The following GABRA2 variants were observed in gnomAD, a reference collection of about 807,000 sequenced individuals.
The protein encoded by GABRA2 is gamma-aminobutyric acid type A receptor subunit alpha2, also known as gamma-aminobutyric acid receptor subunit alpha-2.
GABRA2 carries 16 observed loss-of-function variants against 48.7 expected under a neutral mutation model. The observed-to-expected ratio is 0.33, with a 90% confidence interval of 0.22 to 0.50. GABRA2 has a LOEUF of 0.50. GABRA2 is among the 20% of genes least tolerant of loss of function. GABRA2 has a pLI of 0.98. For synonymous variants in GABRA2, 185 were observed against 184.5 expected, an observed-to-expected ratio of 1.00 and a Z score of -0.02; for missense variants, 275 against 535.6, an observed-to-expected ratio of 0.51 and a Z score of 4.80.
At chr4:46,346,062 T>C (rs1734091304) in intron 3 of GABRA2, among the ~76,000 whole-genome samples, 2 of 151,944 alleles carry the variant, frequency 1.3e-5, no homozygotes, top group South Asian at 4.1e-4. Flanking sequence ...TGCTGTGCTT[T>C]GCCTTACACT....
chr4:46,279,474 T>C (rs551131274), intron 8 of GABRA2, among the ~76,000 whole-genome samples: 2 of 152,248 alleles, frequency 1.3e-5, no homozygotes, highest in Non-Finnish European at 2.9e-5. Context: ...AATCTGGCAA[T>C]GGATATTCTC....
At chr4:46,276,164 C>T (rs569177602) in intron 8 of GABRA2, among the ~76,000 whole-genome samples, 75 of 152,086 alleles carry the variant, frequency 4.9e-4, no homozygotes, top group African/African-American at 1.7e-3. Context: ...TTCATATATT[C>T]AATAAAGTTA....
chr4:46,318,452 A>G (rs1728910196), intron 4 of GABRA2, among the ~76,000 whole-genome samples: 1 of 151,626 alleles, frequency 6.6e-6, no homozygotes, highest in Admixed American at 6.6e-5. Flanking sequence ...TTGCATAGCC[A>G]CTAAGTACAA....
At chr4:46,263,052 GAATAT>G (rs59537462) in intron 8 of GABRA2, among the ~76,000 whole-genome samples, 94,595 of 151,074 alleles carry the variant, frequency 0.63, 30,276 homozygotes, top group South Asian at 0.76. Context: ...CAAAAGAATA[GAATAT>G]AAGACAAATA....
chr4:46,289,914 T>A (rs28815536), intron 8 of GABRA2, among the ~76,000 whole-genome samples: 58,327 of 135,798 alleles, frequency 0.43, 12,244 homozygotes, highest in East Asian at 0.51. Flanking sequence ...TTTATTTTTA[T>A]TTTTTTTTTT....
intron 3 of GABRA2, chr4:46,367,122 T>G (rs2109983697): frequency 6.6e-6 from 1 of 152,216 alleles, no homozygotes; most frequent in East Asian, 1.9e-4. Flanking sequence ...GCTACTGAAT[T>G]TAAGGTTCAG....
intron 3 of GABRA2, among the ~76,000 whole-genome samples, chr4:46,347,437 C>A (rs1352886151): frequency 2.0e-5 from 3 of 151,832 alleles, no homozygotes; most frequent in African/African-American, 7.2e-5. Context: ...GAAATAAACC[C>A]ACATATCCAA....
chr4:46,320,902 A>G (rs1278358276), intron 4 of GABRA2, among the ~76,000 whole-genome samples: 1 of 151,954 alleles, frequency 6.6e-6, no homozygotes, highest in African/African-American at 2.4e-5. Flanking sequence ...AAATGAAATC[A>G]TGACCTTTAA....
intron 4 of GABRA2, among the ~76,000 whole-genome samples, chr4:46,314,194 G>A (rs751388175): frequency 3.3e-5 from 5 of 152,046 alleles, no homozygotes; most frequent in Non-Finnish European, 7.4e-5. Context: ...CAAGTTTCAC[G>A]TAAGTATTTC....
Position 46,317,439 on chromosome 4 carries a change from ATTAT to A in GABRA2, c.256-4727_256-4724del, listed in dbSNP as rs570599243. 7.7e-3 allele frequency among the ~76,000 whole-genome samples: 1,174 copies of A among 151,924 alleles called. 17 individuals are homozygous for A. The highest frequency in any genetic ancestry group is 0.027 in the African/African-American group (1,134 of 41,520). ...CTTTATAATATGGAACGATATAGAC[ATTAT>A]TAAGAGTAAGAATGTAAATAAGTAA... On this transcript the variant is annotated intron_variant, in intron 4 of 9. Coordinates refer to ENST00000381620, the MANE Select transcript of GABRA2 (RefSeq NM_000807.4).
intron 8 of GABRA2, among the ~76,000 whole-genome samples, chr4:46,264,009 T>C (rs1458709330): frequency 2.0e-5 from 3 of 151,226 alleles, no homozygotes; most frequent in Non-Finnish European, 4.4e-5. Context: ...TACAGCAACA[T>C]TCTATAGTTT....
intron 3 of GABRA2, among the ~76,000 whole-genome samples, chr4:46,336,501 C>T (rs1032568536): frequency 2.0e-5 from 3 of 152,112 alleles, no homozygotes; most frequent in Non-Finnish European, 4.4e-5. Flanking sequence ...TATCCACCAG[C>T]CAAAATAATG....
chr4:46,262,581 A>C (rs188270214), intron 8 of GABRA2, among the ~76,000 whole-genome samples: 79 of 152,258 alleles, frequency 5.2e-4, no homozygotes, highest in African/African-American at 1.9e-3. Flanking sequence ...CCACAGAAGT[A>C]ATCATGAAGG....
intron 6 of GABRA2, among the ~76,000 whole-genome samples, chr4:46,308,565 A>G (rs1214169110): frequency 1.3e-5 from 2 of 152,224 alleles, no homozygotes; most frequent in Admixed American, 6.5e-5. Flanking sequence ...ACAGGCAAAG[A>G]CAATAAAATA....
At chr4:46,262,958 G>GAA (rs1648650004) in intron 8 of GABRA2, among the ~76,000 whole-genome samples, 3 of 28,006 alleles carry the variant, frequency 1.1e-4, no homozygotes, top group African/African-American at 2.9e-4. Flanking sequence ...AAGAAAGAAA[G>GAA]AGAGAGAGAG....
chr4:46,260,805 T>C (rs1242176438), intron 9 of GABRA2: 2 of 151,880 alleles, frequency 1.3e-5, no homozygotes, highest in Non-Finnish European at 2.9e-5. Flanking sequence ...GCTCCGTTAG[T>C]AGGGAAAACA....
intron 8 of GABRA2, among the ~76,000 whole-genome samples, chr4:46,295,983 C>T (rs2109570760): frequency 6.6e-6 from 1 of 152,270 alleles, no homozygotes; most frequent in East Asian, 1.9e-4. Context: ...TGGGTTCATG[C>T]TCATGGAATT....
chr4:46,259,616 C>T (rs574099739), intron 9 of GABRA2, among the ~76,000 whole-genome samples: 34 of 151,842 alleles, frequency 2.2e-4, no homozygotes, highest in African/African-American at 8.0e-4. Flanking sequence ...AATCATTATT[C>T]TTATGGGGCA....
chr4:46,261,753 A>G, intron 9 of GABRA2, 173 bp downstream of exon 9: 2 of 641,028 alleles, frequency 3.1e-6, no homozygotes. Flanking sequence ...AAGTATTAGT[A>G]CTACAAGAAC....
Sources: gnomAD v4.1 joint callset for allele counts (sites outside exome capture counted in the v4.1 genomes callset) on GRCh38, gnomAD v4.1.1 for gene constraint, MANE v1.5 for transcripts, NCBI Gene and HGNC (gene_info 2026-07-23, HGNC 2026-07-21) for gene names.